PCLAF: variants seen among roughly 807,000 people sequenced by gnomAD.
PCLAF encodes PCNA clamp associated factor.
Under a neutral mutation model 15.1 loss-of-function variants are expected in PCLAF, and 12 were observed. That is an observed-to-expected ratio of 0.79 (90% confidence interval 0.51 to 1.29). The LOEUF (loss-of-function observed/expected upper bound fraction) is 1.29. Among genes scored for constraint, PCLAF ranks in the 50% most tolerant of loss-of-function variants. The probability of loss-of-function intolerance (pLI) is 0.00; values close to 1 mark genes in which losing one functional copy is unlikely to be tolerated. For synonymous variants in PCLAF, 33 were observed against 47.1 expected, an observed-to-expected ratio of 0.70 and a Z score of 1.22; for missense variants, 116 against 130.9, an observed-to-expected ratio of 0.89 and a Z score of 0.56.
upstream of PCLAF, among the ~76,000 whole-genome samples, chr15:64,385,841 G>A (rs1448926385): frequency 6.6e-6 from 1 of 152,034 alleles, no homozygotes; most frequent in African/African-American, 2.4e-5. Flanking sequence ...TCTTCCTTCT[G>A]GAGCTGAGAC....
chr15:64,387,575 A>C, exon 1 of PCLAF: 2 of 1,369,354 alleles, frequency 1.5e-6, no homozygotes, highest in South Asian at 1.4e-5. Flanking sequence ...AGGCACTTGC[A>C]CTGTCTTCTT....
intron 3 of PCLAF, among the ~76,000 whole-genome samples, chr15:64,371,327 G>A (rs1036591156): frequency 2.6e-5 from 4 of 151,646 alleles, no homozygotes; most frequent in African/African-American, 4.8e-5. Flanking sequence ...GTGCAGTAGC[G>A]CGATCTCAGC....
intron 1 of PCLAF, 80 bp downstream of exon 1, chr15:64,381,246 G>T: frequency 6.5e-7 from 1 of 1,529,286 alleles, no homozygotes. Flanking sequence ...GGGCCCAGGG[G>T]GACCTCTGGC....
chr15:64,365,211 G>C lies in PCLAF; in HGVS notation c.*819C>G, dbSNP rs1804466567. On this transcript the variant is annotated 3_prime_UTR_variant, in exon 4 of 4. Coordinates refer to ENST00000300035, the MANE Select transcript of PCLAF (RefSeq NM_014736.6). ...TAGAGACGGGGTTTCACCTTGTTAG[G>C]CAGGATGGTCTCGATCTCCTGACCT... is the stretch of plus-strand genomic sequence containing the variant. The C allele has an allele frequency of 6.6e-6, 1 of 150,666 alleles. No homozygotes were observed. The highest frequency in any genetic ancestry group is 1.5e-5 in the Non-Finnish European group (1 of 67,808). The allele number at this position is 150,666 out of a possible 1,614,324, so 9.3% of individuals were successfully genotyped here.
intron 2 of PCLAF, among the ~76,000 whole-genome samples, chr15:64,378,742 C>T (rs949444517): frequency 1.3e-5 from 2 of 152,056 alleles, no homozygotes; most frequent in Non-Finnish European, 2.9e-5. Flanking sequence ...GAAACCCTGC[C>T]TCCACTAAAG....
At chr15:64,385,817 T>C (rs570089941), upstream of PCLAF, among the ~76,000 whole-genome samples, 14 of 151,954 alleles carry the variant, frequency 9.2e-5, no homozygotes, top group African/African-American at 2.9e-4. Flanking sequence ...ACAAAAAAGG[T>C]GAGAAAAAAT....
chr15:64,379,729 AT>A (rs1417782859), intron 2 of PCLAF, among the ~76,000 whole-genome samples: 1 of 152,090 alleles, frequency 6.6e-6, no homozygotes, highest in Non-Finnish European at 1.5e-5. Flanking sequence ...TGTCTGCCAA[AT>A]TTCCTACTGA....
chr15:64,368,079 T>G (rs1899121584), intron 3 of PCLAF, among the ~76,000 whole-genome samples: 1 of 151,662 alleles, frequency 6.6e-6, no homozygotes, highest in Non-Finnish European at 1.5e-5. Flanking sequence ...CGGTGGCTCA[T>G]GCCTGTAATC....
Position 64,381,049 on chromosome 15 carries a change from A to C in PCLAF, c.47-11T>G. On this transcript the variant is annotated splice_polypyrimidine_tract_variant and intron_variant, in intron 1 of 3. Transcript: ENST00000300035. The stretch of plus-strand genomic sequence containing the variant: ...CTCGAGCAGCCACCACTGTGAAGAG[A>C]GGCAAAAAAGGGTGTTCAGAAGGGG... The C allele has an allele frequency of 6.2e-7, 1 of 1,613,832 alleles. No homozygotes were observed. The highest frequency in any genetic ancestry group is 8.5e-7 in the Non-Finnish European group (1 of 1,179,836).
At chr15:64,377,761 T>C (rs1340685862) in intron 2 of PCLAF, among the ~76,000 whole-genome samples, 2 of 112,450 alleles carry the variant, frequency 1.8e-5, no homozygotes, top group East Asian at 5.5e-4. Context: ...TTTTTTTTTT[T>C]TTTTTTTTTT....
Position 64,369,399 on chromosome 15 carries a change from A to G in PCLAF, c.291-3324T>C, listed in dbSNP as rs980165296. On this transcript the variant is annotated intron_variant, in intron 3 of 3. Coordinates refer to ENST00000300035, the MANE Select transcript of PCLAF (RefSeq NM_014736.6). ...AAAAAAAAAAAAAAATCCTGTCTCT[A>G]AAAAAAAAAGGGTATCCCTTTGGTT... Among the ~76,000 whole-genome samples the G allele has an allele frequency of 7.5e-5, 11 of 146,022 alleles. 1 individual carries two copies. The highest frequency in any genetic ancestry group is 1.4e-4 in the Non-Finnish European group (9 of 65,828).
intron 2 of PCLAF, among the ~76,000 whole-genome samples, chr15:64,380,476 G>C (rs554031262): frequency 2.0e-5 from 3 of 152,114 alleles, no homozygotes; most frequent in African/African-American, 7.2e-5. Context: ...ATCCCAGTAG[G>C]AGGATTGTTT....
intron 2 of PCLAF, among the ~76,000 whole-genome samples, chr15:64,380,570 G>A (rs927708333): frequency 1.3e-5 from 2 of 152,162 alleles, no homozygotes; most frequent in South Asian, 2.1e-4. Context: ...CCGGCGTGGT[G>A]GCATGTACCT....
intron 3 of PCLAF, among the ~76,000 whole-genome samples, chr15:64,374,376 A>G (rs971770498): frequency 3.3e-5 from 5 of 151,458 alleles, no homozygotes; most frequent in Non-Finnish European, 7.4e-5. Flanking sequence ...ATCTCTACTA[A>G]AAATACAACA....
intron 3 of PCLAF, among the ~76,000 whole-genome samples, chr15:64,370,257 T>C (rs2414847): frequency 6.7e-6 from 1 of 149,830 alleles, no homozygotes; most frequent in Admixed American, 6.7e-5. Flanking sequence ...TTTTTTTTTT[T>C]TTTTTTTGTG....
At position 64,376,834 on chromosome 15, in the gene PCLAF, C is replaced by A; in HGVS notation, c.199G>T (p.Glu67Ter). The change falls in exon 3 of 4, where the codon GAA (glutamate) becomes TAA (stop). Residue 67 changes from glutamate (E) to a stop codon, truncating the protein, a stop_gained. Coordinates refer to ENST00000300035, the MANE Select transcript of PCLAF (RefSeq NM_014736.6). LOFTEE classifies it high-confidence loss of function. ...PTPKWQKGIG[E>*]FFRLSPKDSE... is the part of the protein sequence containing the mutation. ...TCTTTAGGGGACAACCTAAAGAATT[C>A]TCCAATTCCTTTTTGCCACTTGGGA... is the stretch of plus-strand genomic sequence containing the variant. The A allele has an allele frequency of 6.2e-7, 1 of 1,613,820 alleles. No homozygotes were observed. The highest frequency in any genetic ancestry group is 8.5e-7 in the Non-Finnish European group (1 of 1,179,750).
At chr15:64,381,275 G>A in intron 1 of PCLAF, 51 bp downstream of exon 1, 5 of 1,605,412 alleles carry the variant, frequency 3.1e-6, no homozygotes, top group Non-Finnish European at 3.4e-6. Flanking sequence ...CCCGTGGCCA[G>A]GCTGCCGGGA....
intron 3 of PCLAF, among the ~76,000 whole-genome samples, chr15:64,367,738 C>T (rs1038609027): frequency 1.3e-5 from 2 of 151,212 alleles, no homozygotes; most frequent in African/African-American, 2.4e-5. Context: ...TTAGTAGGGA[C>T]GGGGTTTCAC....
intron 3 of PCLAF, among the ~76,000 whole-genome samples, chr15:64,374,130 A>C (rs896783995): frequency 1.3e-5 from 2 of 152,240 alleles, no homozygotes; most frequent in Admixed American, 6.5e-5. Context: ...CATATAGTAC[A>C]TATACATGTA....
Sources: allele counts gnomAD v4.1 joint callset (sites outside exome capture counted in the v4.1 genomes callset), GRCh38; gene constraint gnomAD v4.1.1; transcripts MANE v1.5; gene names NCBI Gene and HGNC (gene_info 2026-07-23, HGNC 2026-07-21).